Variants in ZNF433 observed in about 807,000 individuals in gnomAD.
The protein encoded by ZNF433 is zinc finger protein 433.
A neutral mutation model predicts 10.6 loss-of-function variants in ZNF433; 12 were observed. The observed-to-expected ratio is 1.13, with a 90% CI of 0.72 to 1.83. The LOEUF is 1.83. Among genes scored for constraint, ZNF433 ranks in the 40% most tolerant of loss-of-function variants. The pLI is 0.00. For missense variants in ZNF433, 737 were observed against 798.0 expected, an observed-to-expected ratio of 0.92 and a Z score of 0.92; for synonymous variants, 272 against 271.3, an observed-to-expected ratio of 1.00 and a Z score of -0.02.
intron 1 of ZNF433, among the ~76,000 whole-genome samples, chr19:12,022,954 G>C (rs10420683): frequency 0.069 from 10,484 of 152,180 alleles, 582 homozygotes; most frequent in African/African-American, 0.16. Flanking sequence ...ATTCAGGCAG[G>C]AATTCACCAA....
At chr19:12,031,830 G>A (rs1365311687) in intron 1 of ZNF433, among the ~76,000 whole-genome samples, 1 of 148,750 alleles carries the variant, frequency 6.7e-6, no homozygotes, top group Non-Finnish European at 1.5e-5. Context: ...AGGCTGTAGT[G>A]AGCTGTGATC....
chr19:12,027,689 T>C (rs1274516601), intron 1 of ZNF433, among the ~76,000 whole-genome samples: 2 of 152,258 alleles, frequency 1.3e-5, no homozygotes, highest in Non-Finnish European at 2.9e-5. Flanking sequence ...TCTCTTTTCA[T>C]GGCTTTCAGC....
At chr19:12,019,451 TC>T (rs1974381378) in intron 1 of ZNF433, among the ~76,000 whole-genome samples, 1 of 152,022 alleles carries the variant, frequency 6.6e-6, no homozygotes, top group Non-Finnish European at 1.5e-5. Context: ...GATGACACCA[TC>T]AACAAAGGGA....
chr19:12,016,001 T>C lies in ZNF433; in HGVS notation c.857A>G (p.Lys286Arg), dbSNP rs1434921289. Reference protein sequence around the residue: ...EKPYECKQCGKAFSSSHSFQI... With the variant: ...EKPYECKQCGRAFSSSHSFQI... ...AAAGGAATGGGAAGAGCTGAAGGCT[T>C]TCCCACACTGTTTACATTCATATGG... is the stretch of plus-strand genomic sequence containing the variant. Residue 286 changes from lysine (K) to arginine (R), a missense_variant, in exon 4 of 4, where the codon AAA (lysine) becomes AGA (arginine). By Grantham distance (26) the Lys-to-Arg change is conservative (BLOSUM62 2). Coordinates refer to ENST00000550507, the MANE Select transcript of ZNF433 (RefSeq NM_001308348.2). 4 of 1,613,986 alleles carry C rather than the reference T, an allele frequency of 2.5e-6. No homozygotes were observed. The highest frequency in any genetic ancestry group is 2.7e-5 in the African/African-American group (2 of 74,928).
intron 1 of ZNF433, chr19:12,025,212 A>C (rs951734968): frequency 6.6e-6 from 1 of 152,208 alleles, no homozygotes; most frequent in Non-Finnish European, 1.5e-5. Flanking sequence ...TGATATGCCT[A>C]TTAATGTGAT....
chr19:12,015,408 A>G lies in ZNF433; in HGVS notation c.1450T>C (p.Phe484Leu). The G allele has an allele frequency of 6.2e-7, 1 of 1,614,116 alleles. No individual in the cohort carries two copies. The highest frequency in any genetic ancestry group is 1.7e-5 in the Admixed American group (1 of 60,004). Residue 484 changes from phenylalanine to leucine, a missense_variant, in exon 4 of 4, where the codon TTC becomes CTC. By Grantham distance (22) the Phe-to-Leu change is conservative. Transcript: ENST00000550507. ...PYECKGYGKT[F>L]SLPSLFHRHE... ...CTATGAAATAAACTGGGCAAACTGA[A>G]TGTTTTCCCATAACCCTTACATTCA...
chr19:12,029,705 G>A (rs183039130), intron 1 of ZNF433, among the ~76,000 whole-genome samples: 1 of 152,114 alleles, frequency 6.6e-6, no homozygotes, highest in African/African-American at 2.4e-5. Context: ...GAGCATGAGA[G>A]TAGATCCCTC....
intron 1 of ZNF433, among the ~76,000 whole-genome samples, chr19:12,020,708 G>A (rs2145426949): frequency 6.6e-6 from 1 of 152,128 alleles, no homozygotes; most frequent in Middle Eastern, 3.4e-3. Flanking sequence ...CCTGGGGTCA[G>A]GAGTTCGAGA....
In ZNF433 at chr19:12,015,365, G is replaced by A. The variant is rs545578095; in HGVS notation, c.1493C>T (p.Thr498Ile). 9 of 1,614,044 alleles carry A rather than the reference G, an allele frequency of 5.6e-6. No individual in the cohort carries two copies. The Admixed American group carries it at 6.7e-5, about 12-fold the overall frequency. Residue 498 changes from threonine (T) to isoleucine (I), a missense_variant, in exon 4 of 4, where the codon ACT becomes ATT. Transcript: ENST00000550507. ...CTTGCATTCATAGGTTTTTCCTCCA[G>A]TGTGAGTCCTTTCATGTCTATGAAA... ...SLFHRHERTH[T>I]GGKTYECKQC...
chr19:12,031,945 C>CTTT (rs578040123), intron 1 of ZNF433, among the ~76,000 whole-genome samples: 5 of 107,540 alleles, frequency 4.6e-5, no homozygotes, highest in African/African-American at 1.3e-4. Flanking sequence ...TTCTCTTTTT[C>CTTT]TTTTTTTTTT....
At position 12,016,380 on chromosome 19, in the gene ZNF433, C is replaced by T. The variant is rs760106630; in HGVS notation, c.478G>A (p.Ala160Thr). Residue 160 changes from alanine to threonine, a missense_variant, in exon 4 of 4, where the codon GCT becomes ACT. By Grantham distance (58) the Ala-to-Thr change is moderately conservative. Coordinates refer to ENST00000550507, the MANE Select transcript of ZNF433 (RefSeq NM_001308348.2). ...CLSSVQTHER[A>T]HSGRKLYVCE... is the part of the protein sequence containing the mutation. The stretch of plus-strand genomic sequence containing the variant: ...ACATAGAGTTTCCTTCCACTATGAG[C>T]CCTTTCATGTGTCTGAACAGAGGAG... 1.9e-6 allele frequency: 3 copies of T among 1,614,156 alleles called. No homozygotes were observed. The highest frequency in any genetic ancestry group is 1.7e-5 in the Admixed American group (1 of 60,028).
intron 3 of ZNF433, among the ~76,000 whole-genome samples, chr19:12,017,194 G>GT (rs1000146377): frequency 9.9e-5 from 15 of 151,050 alleles, no homozygotes; most frequent in South Asian, 8.4e-4. Context: ...CTGTTTTTTG[G>GT]TTTTTTTTGT....
In ZNF433 at chr19:12,018,094, A is replaced by G. The variant is rs1599353584; in HGVS notation, c.130+72T>C. The G allele has an allele frequency of 3.3e-6, 5 of 1,494,942 alleles. No homozygotes were observed. In the Admixed American group the frequency reaches 1.2e-4, roughly 36 times the overall value. The allele number at this position is 1,494,942 out of a possible 1,614,324, so 92.6% of individuals were successfully genotyped here. A position where few individuals can be genotyped will look rare whatever the true frequency, so the allele number is the denominator to read the frequency against. The stretch of plus-strand genomic sequence containing the variant: ...CACTCAACAGCATACATGAGCTAAA[A>G]ATACTTGTTCTCAGAAAAAAAAAAA... On this transcript the variant is annotated intron_variant, in intron 2 of 3. Transcript: ENST00000550507.
Position 12,016,106 on chromosome 19 carries a change from T to C in ZNF433, c.752A>G (p.Tyr251Cys). 1 of 1,614,184 alleles carries C rather than the reference T, an allele frequency of 6.2e-7. No individual in the cohort carries two copies. Among genetic ancestry groups the C allele is most frequent in the Non-Finnish European group, 8.5e-7 (1 of 1,180,024 alleles). ...TGCTTTCCCACATTCATTACATTTATAAGGCTTCTCCCCAGTGTGAGTTCT... is the reference window on the plus strand; with the variant it reads ...TGCTTTCCCACATTCATTACATTTACAAGGCTTCTCCCCAGTGTGAGTTCT... ...HERTHTGEKP[Y>C]KCNECGKAFH... The change falls in exon 4 of 4, where the codon TAT becomes TGT. Residue 251 changes from tyrosine to cysteine, a missense_variant. Tyr to Cys is a radical substitution (Grantham distance 194). Coordinates refer to ENST00000550507, the MANE Select transcript of ZNF433 (RefSeq NM_001308348.2).
chr19:12,018,533 A>G, intron 1 of ZNF433: 1 of 350,974 alleles, frequency 2.8e-6, no homozygotes, highest in Non-Finnish European at 4.9e-6. Flanking sequence ...TAAATCCAGA[A>G]AGGTGTGCTG....
At chr19:12,026,358 G>A (rs531922471) in intron 1 of ZNF433, 1 of 290,926 alleles carries the variant, frequency 3.4e-6, no homozygotes, top group East Asian at 1.1e-4. Context: ...ACAACTGCCT[G>A]GGGACAGATC....
chr19:12,026,410 G>A (rs1599368349), intron 1 of ZNF433: 4 of 289,522 alleles, frequency 1.4e-5, no homozygotes, highest in Non-Finnish European at 2.7e-5. Flanking sequence ...TGAGAAAAGC[G>A]GGACAACCAG....
At chr19:12,032,230 G>A (rs964187259) in intron 1 of ZNF433, among the ~76,000 whole-genome samples, 4 of 151,840 alleles carry the variant, frequency 2.6e-5, no homozygotes, top group African/African-American at 9.7e-5. Flanking sequence ...GAGCCACCAC[G>A]CCTGGCCAGA....
chr19:12,030,312 C>A, intron 1 of ZNF433: 1 of 277,612 alleles, frequency 3.6e-6, no homozygotes, highest in South Asian at 3.0e-5. Context: ...CCTCTGCCTC[C>A]CAGGTTGAAG....
Sources: gnomAD v4.1 joint callset for allele counts (sites outside exome capture counted in the v4.1 genomes callset) on GRCh38, gnomAD v4.1.1 for gene constraint, MANE v1.5 for transcripts, NCBI Gene and HGNC (gene_info 2026-07-23, HGNC 2026-07-21) for gene names.